FARSB: variants seen among roughly 807,000 people sequenced by gnomAD.
FARSB encodes phenylalanine--tRNA ligase beta subunit.
FARSB carries 40 observed loss-of-function variants against 69.6 expected under a neutral mutation model. That is an observed-to-expected ratio of 0.57 (90% CI 0.45 to 0.75). The LOEUF (loss-of-function observed/expected upper bound fraction) is 0.75, where lower values mean the gene tolerates loss of function less well. FARSB is among the 30% of genes least tolerant of loss of function. FARSB has a pLI of 0.00. For missense variants in FARSB, 632 were observed against 722.9 expected (o/e 0.87, Z 1.44); for synonymous variants, 235 against 247.2 (o/e 0.95, Z 0.46).
intron 16 of FARSB, among the ~76,000 whole-genome samples, chr2:222,579,796 T>C (rs1302391582): frequency 2.0e-5 from 3 of 152,206 alleles, no homozygotes; most frequent in Non-Finnish European, 2.9e-5. Context: ...TCATCCAACG[T>C]TGCTTTTCTG....
chr2:222,646,127 A>G (rs535887726), intron 2 of FARSB, among the ~76,000 whole-genome samples: 99 of 152,334 alleles, frequency 6.5e-4, no homozygotes, highest in African/African-American at 2.3e-3. Flanking sequence ...CTTATGGCCC[A>G]ATACAATATA....
At chr2:222,630,233 G>A (rs1019417502) in intron 8 of FARSB, 59 bp from the exon 9 acceptor site, 25 of 827,826 alleles carry the variant, frequency 3.0e-5, no homozygotes, top group Non-Finnish European at 4.2e-5. Flanking sequence ...TCACTCAGAT[G>A]GAAATGAATT....
Position 222,571,361 on chromosome 2 carries a change from T to C in FARSB, c.*510A>G, listed in dbSNP as rs1689712446. 1 of 152,324 alleles carries C rather than the reference T, an allele frequency of 6.6e-6. No individual in the cohort carries two copies. 9.4% of individuals were successfully genotyped at this position (152,324 alleles called of 1,614,324 possible). ...CTCAGAAGCTATAATTGTTGGACCA[T>C]AATTGATTCTTAAACGTTTTCTAAA... On this transcript the variant is annotated 3_prime_UTR_variant, in exon 17 of 17. Coordinates refer to ENST00000281828, the MANE Select transcript of FARSB (RefSeq NM_005687.5).
intron 16 of FARSB, among the ~76,000 whole-genome samples, chr2:222,596,706 A>G (rs896916510): frequency 3.3e-5 from 5 of 152,166 alleles, no homozygotes; most frequent in Admixed American, 3.3e-4. Context: ...GCAGCTAAAC[A>G]TGCCCCAGTA....
chr2:222,602,959 T>G (rs1296402603), intron 15 of FARSB, among the ~76,000 whole-genome samples: 1 of 152,094 alleles, frequency 6.6e-6, no homozygotes, highest in Non-Finnish European at 1.5e-5. Context: ...TAAAAGCTAT[T>G]GATTTCTGAA....
At chr2:222,600,146 C>G in intron 15 of FARSB, 63 bp from the exon 16 acceptor site, 1 of 1,344,280 alleles carries the variant, frequency 7.4e-7, no homozygotes, top group Non-Finnish European at 1.0e-6. Flanking sequence ...ACTGATTTAC[C>G]CCAGTACAAA....
intron 2 of FARSB, among the ~76,000 whole-genome samples, chr2:222,647,984 C>G (rs528207204): frequency 1.3e-5 from 2 of 152,204 alleles, no homozygotes; most frequent in African/African-American, 4.8e-5. Flanking sequence ...TCCTAAGTTC[C>G]CAGATGATGC....
chr2:222,624,927 T>C (rs1691230160), intron 10 of FARSB, 152 bp from the exon 11 acceptor site: 1 of 563,704 alleles, frequency 1.8e-6, no homozygotes, highest in Non-Finnish European at 3.1e-6. Context: ...TCAAAAACAG[T>C]ATTATGAGGG....
At chr2:222,591,421 T>A (rs1022538045) in intron 16 of FARSB, among the ~76,000 whole-genome samples, 1 of 152,250 alleles carries the variant, frequency 6.6e-6, no homozygotes, top group Admixed American at 6.5e-5. Flanking sequence ...AATTGATTTA[T>A]GAATAGCTAG....
At chr2:222,626,214 A>AG (rs1691269844) in intron 10 of FARSB, among the ~76,000 whole-genome samples, 1 of 142,172 alleles carries the variant, frequency 7.0e-6, no homozygotes, top group South Asian at 2.3e-4. Context: ...ACTGCACTCC[A>AG]GCTTGGGTAA....
At chr2:222,574,675 C>T (rs1689792901) in intron 16 of FARSB, among the ~76,000 whole-genome samples, 1 of 152,210 alleles carries the variant, frequency 6.6e-6, no homozygotes, top group Non-Finnish European at 1.5e-5. Flanking sequence ...CCTGTATAAA[C>T]TCGACTTTGC....
At chr2:222,652,375 TCCTGGTATTCACAC>T (rs1692060412) in intron 1 of FARSB, among the ~76,000 whole-genome samples, 1 of 152,160 alleles carries the variant, frequency 6.6e-6, no homozygotes, top group Non-Finnish European at 1.5e-5. Context: ...AATACCGGCC[TCCTGGTATTCACAC>T]CCTTGTACTG....
intron 13 of FARSB, among the ~76,000 whole-genome samples, chr2:222,621,692 A>G (rs1268982870): frequency 6.6e-6 from 1 of 152,250 alleles, no homozygotes; most frequent in Admixed American, 6.5e-5. Context: ...ACTACTATGC[A>G]GATATAGCAA....
intron 15 of FARSB, 148 bp downstream of exon 15, chr2:222,613,663 G>A (rs1690915078): frequency 1.9e-6 from 1 of 532,470 alleles, no homozygotes; most frequent in Non-Finnish European, 3.3e-6. Context: ...AAAGAAGCCT[G>A]TCCATGTGTT....
intron 15 of FARSB, among the ~76,000 whole-genome samples, chr2:222,613,524 G>A (rs991176807): frequency 6.6e-6 from 1 of 152,222 alleles, no homozygotes; most frequent in African/African-American, 2.4e-5. Context: ...CAGCCTGGGT[G>A]AAGAGTGAAA....
At chr2:222,609,610 T>G (rs184931626) in intron 15 of FARSB, among the ~76,000 whole-genome samples, 92 of 152,220 alleles carry the variant, frequency 6.0e-4, no homozygotes, top group African/African-American at 1.9e-3. Flanking sequence ...ATATCTAGAG[T>G]CTCAATAAAT....
rs1231745410 is a variant in FARSB at position 222,571,647 on chromosome 2, T to C, written c.*224A>G. ...ATTTCTCCAGCACTCCACGGGGCTT[T>C]TACCCAACAATGCAGCTTCACACAC... On this transcript the variant is annotated 3_prime_UTR_variant, in exon 17 of 17. Coordinates refer to ENST00000281828, the MANE Select transcript of FARSB (RefSeq NM_005687.5). 2.2e-6 allele frequency: 1 copy of C among 446,994 alleles called. No individual in the cohort carries two copies. Among genetic ancestry groups the C allele is most frequent in the Admixed American group, 4.0e-5 (1 of 24,844 alleles). 27.7% of individuals were successfully genotyped at this position (446,994 alleles called of 1,614,324 possible). A position where few individuals can be genotyped will look rare whatever the true frequency, so the allele number is the denominator to read the frequency against.
chr2:222,650,536 T>A (rs1305561878), intron 1 of FARSB, among the ~76,000 whole-genome samples: 1 of 152,112 alleles, frequency 6.6e-6, no homozygotes, highest in Admixed American at 6.5e-5. Context: ...GAGGTAGGAA[T>A]AGGGAGTGTG....
At chr2:222,628,985 C>T in intron 9 of FARSB, 97 bp from the exon 10 acceptor site, 1 of 842,692 alleles carries the variant, frequency 1.2e-6, no homozygotes, top group East Asian at 2.4e-5. Context: ...TGGGCTACAA[C>T]TACAGCCTCA....
Sources: allele counts gnomAD v4.1 joint callset (sites outside exome capture counted in the v4.1 genomes callset), GRCh38; gene constraint gnomAD v4.1.1; transcripts MANE v1.5; gene names NCBI Gene and HGNC (gene_info 2026-07-23, HGNC 2026-07-21).